SLAMF8: variants seen among roughly 807,000 people sequenced by gnomAD.
SLAMF8 encodes B lymphocyte activator macrophage expressed.
Under a neutral mutation model 29.0 loss-of-function variants are expected in SLAMF8, and 23 were observed. The observed-to-expected ratio is 0.79, with a 90% CI of 0.57 to 1.13. The LOEUF (loss-of-function observed/expected upper bound fraction) is 1.13. SLAMF8 is among the 50% of genes most tolerant of loss of function. The pLI is 0.00. For synonymous variants in SLAMF8, 139 were observed against 145.6 expected (o/e 0.96, Z 0.32); for missense variants, 381 against 353.1 (o/e 1.08, Z -0.63).
chr1:159,832,343 CT>C (rs1647544698), intron 2 of SLAMF8, among the ~76,000 whole-genome samples: 1 of 152,198 alleles, frequency 6.6e-6, no homozygotes. Context: ...TGTTTGTTTT[CT>C]TGCCTGACTT....
At chr1:159,835,162 T>C (rs763800722) in intron 4 of SLAMF8, 22 bp from the exon 5 acceptor site, 1 of 1,611,152 alleles carries the variant, frequency 6.2e-7, no homozygotes, top group South Asian at 1.1e-5. Context: ...AGGGGTAACT[T>C]TCTTTCTGAT....
At chr1:159,833,484 C>A in intron 4 of SLAMF8, 115 bp downstream of exon 4, 1 of 1,452,480 alleles carries the variant, frequency 6.9e-7, no homozygotes, top group Non-Finnish European at 9.4e-7. Flanking sequence ...CCTACCTCTC[C>A]CACCTCATCT....
rs200714723 is a variant in SLAMF8 at position 159,830,019 on chromosome 1, G to A, written c.194G>A (p.Arg65Gln). ...GAAGAGCTCCTGGCCACGTTTTTCCGAGGCTCCCTGGAGACTCTGTACCAT... is the reference window on the plus strand; with the variant it reads ...GAAGAGCTCCTGGCCACGTTTTTCCAAGGCTCCCTGGAGACTCTGTACCAT... ...PSEELLATFFRGSLETLYHSR... is the reference protein window; with the variant it reads ...PSEELLATFFQGSLETLYHSR... The change falls in exon 2 of 5, where the codon CGA (arginine) becomes CAA (glutamine). Residue 65 changes from arginine (R) to glutamine (Q), a missense_variant. By Grantham distance (43) the Arg-to-Gln change is conservative. Coordinates refer to ENST00000289707, the MANE Select transcript of SLAMF8 (RefSeq NM_020125.3). 1.6e-4 allele frequency: 266 copies of A among 1,614,240 alleles called. No homozygotes were observed. The highest frequency in any genetic ancestry group is 1.1e-3 in the East Asian group (49 of 44,886).
chr1:159,835,531 C>T lies in SLAMF8; in HGVS notation c.*271C>T. ...GCCAAGCAGAACATTCCATCCAGGA[C>T]ACTGGAAGTTCTCCAGGATCCAGAT... is the stretch of plus-strand genomic sequence containing the variant. On this transcript the variant is annotated 3_prime_UTR_variant, in exon 5 of 5. Transcript: ENST00000289707. 8.2e-7 allele frequency: 1 copy of T among 1,215,688 alleles called. No individual in the cohort carries two copies. Among genetic ancestry groups the T allele is most frequent in the Non-Finnish European group, 1.0e-6 (1 of 974,568 alleles). The allele number at this position is 1,215,688 out of a possible 1,614,324, so 75.3% of individuals were successfully genotyped here. A position where few individuals can be genotyped will look rare whatever the true frequency, so the allele number is the denominator to read the frequency against.
rs368118815 is a variant in SLAMF8 at position 159,830,044 on chromosome 1, T to C, written c.219T>C (p.His73=). The C allele has an allele frequency of 1.2e-5, 19 of 1,614,190 alleles. No individual in the cohort carries two copies. The African/African-American group carries it at 2.0e-4, about 17-fold the overall frequency. Residue 73 remains histidine (H), a synonymous_variant, in exon 2 of 5, where the codon CAT becomes CAC. Coordinates refer to ENST00000289707, the MANE Select transcript of SLAMF8 (RefSeq NM_020125.3). ...FFRGSLETLY[H]SRFLGRAQLH... ...GAGGCTCCCTGGAGACTCTGTACCA[T>C]TCCCGCTTCCTGGGCCGAGCCCAGC...
At position 159,836,596 on chromosome 1, in the gene SLAMF8, A is replaced by G. The variant is rs1447985126; in HGVS notation, c.*1336A>G. ...GAAACAGGGGTGGGTTTGAAGTACT[A>G]TTTTCCCAGGGTGGCTTCAATCTCC... On this transcript the variant is annotated 3_prime_UTR_variant, in exon 5 of 5. Transcript: ENST00000289707. 1 of 985,278 alleles carries G rather than the reference A, an allele frequency of 1.0e-6. No individual in the cohort carries two copies. Among genetic ancestry groups the G allele is most frequent in the South Asian group, 4.7e-5 (1 of 21,274 alleles). 61.0% of individuals were successfully genotyped at this position (985,278 alleles called of 1,614,324 possible). A position where few individuals can be genotyped will look rare whatever the true frequency, so the allele number is the denominator to read the frequency against.
At position 159,832,867 on chromosome 1, in the gene SLAMF8, CT is replaced by C. The variant is rs759649198; in HGVS notation, c.368-6del. ...TGAGACCCATACCAGCTGTACTTTT[CT>C]TTCCCAGATGCAGTGCCCAGGCCCG... On this transcript the variant is annotated splice_region_variant and splice_polypyrimidine_tract_variant and intron_variant, in intron 2 of 4. Coordinates refer to ENST00000289707, the MANE Select transcript of SLAMF8 (RefSeq NM_020125.3). 4.3e-6 allele frequency: 7 copies of C among 1,610,460 alleles called. No individual in the cohort carries two copies. The highest frequency in any genetic ancestry group is 4.2e-6 in the Non-Finnish European group (5 of 1,177,138).
In SLAMF8 at chr1:159,836,832, C is replaced by T. The variant is rs889386818; in HGVS notation, c.*1572C>T. 1.0e-6 allele frequency: 1 copy of T among 985,412 alleles called. No individual in the cohort carries two copies. The highest frequency in any genetic ancestry group is 6.1e-5 in the Admixed American group (1 of 16,290). The allele number at this position is 985,412 out of a possible 1,614,324, so 61.0% of individuals were successfully genotyped here. On this transcript the variant is annotated 3_prime_UTR_variant, in exon 5 of 5. Transcript: ENST00000289707. ...TTATCAAATTCTCATCCCTTTCCCA[C>T]ACCCACTTCTCTCCTATCACCTTCC...
chr1:159,834,089 C>T (rs984674714), intron 4 of SLAMF8, among the ~76,000 whole-genome samples: 3 of 152,234 alleles, frequency 2.0e-5, no homozygotes, highest in Non-Finnish European at 4.4e-5. Context: ...ACATACAGCT[C>T]AGTCCCTTCC....
rs764210042 is a variant in SLAMF8, at chr1:159,826,907, G to T, written c.9G>T (p.Met3Ile). The T allele has an allele frequency of 6.2e-7, 1 of 1,614,140 alleles. No homozygotes were observed. Among genetic ancestry groups the T allele is most frequent in the Non-Finnish European group, 8.5e-7 (1 of 1,180,022 alleles). The change falls in exon 1 of 5, where the codon ATG becomes ATT. Residue 3 changes from methionine to isoleucine, a missense_variant. Physicochemically the swap from Met to Ile is conservative, Grantham distance 10. Coordinates refer to ENST00000289707, the MANE Select transcript of SLAMF8 (RefSeq NM_020125.3). ...TGCCTCTCCAGAGAAAGATGGTCAT[G>T]AGGCCCCTGTGGAGTCTGCTTCTCT... is the stretch of plus-strand genomic sequence containing the variant. Reference protein sequence around the residue: MVMRPLWSLLLWE... With the variant: MVIRPLWSLLLWE...
At chr1:159,830,527 G>A (rs891182674) in intron 2 of SLAMF8, among the ~76,000 whole-genome samples, 1 of 152,178 alleles carries the variant, frequency 6.6e-6, no homozygotes, top group Non-Finnish European at 1.5e-5. Context: ...AGTACCCACA[G>A]GATGAAATGC....
intron 4 of SLAMF8, 138 bp from the exon 5 acceptor site, chr1:159,835,046 G>A: frequency 1.4e-6 from 1 of 734,648 alleles, no homozygotes; most frequent in South Asian, 1.9e-5. Flanking sequence ...CCAGGGTGTT[G>A]GAAGACCAGG....
intron 2 of SLAMF8, among the ~76,000 whole-genome samples, chr1:159,830,813 T>C (rs1647435496): frequency 6.6e-6 from 1 of 152,248 alleles, no homozygotes; most frequent in Non-Finnish European, 1.5e-5. Flanking sequence ...TAACTATATA[T>C]GATTCATGGG....
intron 1 of SLAMF8, among the ~76,000 whole-genome samples, chr1:159,827,299 A>G (rs565678340): frequency 6.6e-6 from 1 of 152,204 alleles, no homozygotes; most frequent in South Asian, 2.1e-4. Flanking sequence ...AACTCTGCAG[A>G]GTTTGAGGAG....
In SLAMF8 at chr1:159,835,926, G is replaced by T; in HGVS notation, c.*666G>T. On this transcript the variant is annotated 3_prime_UTR_variant, in exon 5 of 5. Transcript: ENST00000289707. ...ACACCGAGGATGGTTGACAACCCAT[G>T]GTTGAGATGGGCACCGTTTTGCAGG... 1.0e-6 allele frequency: 1 copy of T among 985,442 alleles called. No homozygotes were observed. The highest frequency in any genetic ancestry group is 5.2e-4 in the Middle Eastern group (1 of 1,914). 61.0% of individuals were successfully genotyped at this position (985,442 alleles called of 1,614,324 possible). A position where few individuals can be genotyped will look rare whatever the true frequency, so the allele number is the denominator to read the frequency against.
At position 159,835,432 on chromosome 1, in the gene SLAMF8, G is replaced by C; in HGVS notation, c.*172G>C. ...AGCCATCACACCACGAGGACAGGAAGCACCAGCACGTTTCACACCTCCCCC... is the reference window on the plus strand; with the variant it reads ...AGCCATCACACCACGAGGACAGGAACCACCAGCACGTTTCACACCTCCCCC... On this transcript the variant is annotated 3_prime_UTR_variant, in exon 5 of 5. Coordinates refer to ENST00000289707, the MANE Select transcript of SLAMF8 (RefSeq NM_020125.3). The C allele has an allele frequency of 7.2e-7, 1 of 1,389,794 alleles. No individual in the cohort carries two copies. Among genetic ancestry groups the C allele is most frequent in the Non-Finnish European group, 9.3e-7 (1 of 1,074,120 alleles). 86.1% of individuals were successfully genotyped at this position (1,389,794 alleles called of 1,614,324 possible).
intron 2 of SLAMF8, among the ~76,000 whole-genome samples, chr1:159,830,972 G>A (rs780368440): frequency 1.3e-5 from 2 of 152,194 alleles, no homozygotes; most frequent in Non-Finnish European, 2.9e-5. Context: ...AGCCATTCGC[G>A]CAGCTACATT....
chr1:159,830,225 C>G, intron 2 of SLAMF8, 33 bp downstream of exon 2: 1 of 1,533,358 alleles, frequency 6.5e-7, no homozygotes, highest in Non-Finnish European at 8.8e-7. Flanking sequence ...GCCTGGCCCT[C>G]TTCCCCCACA....
chr1:159,835,335 G>C lies in SLAMF8; in HGVS notation c.*75G>C, dbSNP rs1327100495. Reference sequence around the variant, plus strand: ...CACACGATGCTCTGGGACATAACTGGTGCCTGGAAATCACCATGGTCCTCA... The same window carrying C: ...CACACGATGCTCTGGGACATAACTGCTGCCTGGAAATCACCATGGTCCTCA... On this transcript the variant is annotated 3_prime_UTR_variant, in exon 5 of 5. Coordinates refer to ENST00000289707, the MANE Select transcript of SLAMF8 (RefSeq NM_020125.3). 22 of 1,543,992 alleles carry C rather than the reference G, an allele frequency of 1.4e-5. No individual in the cohort carries two copies. The East Asian group carries it at 4.2e-4, about 30-fold the overall frequency.
Sources: allele counts gnomAD v4.1 joint callset (sites outside exome capture counted in the v4.1 genomes callset), GRCh38; gene constraint gnomAD v4.1.1; transcripts MANE v1.5; gene names NCBI Gene and HGNC (gene_info 2026-07-23, HGNC 2026-07-21).